The following ALS2 variants were observed in gnomAD, a reference collection of about 807,000 sequenced individuals.
The protein encoded by ALS2 is alsin Rho guanine nucleotide exchange factor ALS2, also known as alsin.
Under a neutral mutation model 203.4 loss-of-function variants are expected in ALS2, and 117 were observed. The ratio of observed to expected loss-of-function variants is 0.58; its 90% CI spans 0.50 to 0.67. The LOEUF is 0.67. Among genes scored for constraint, ALS2 ranks in the 30% least tolerant of loss-of-function variants. The pLI is 0.00. For missense variants in ALS2, 1,715 were observed against 1,989.4 expected (o/e 0.86, Z 2.62); for synonymous variants, 718 against 725.9 (o/e 0.99, Z 0.17).
chr2:201,772,149 C>T (rs1694421335), intron 1 of ALS2, among the ~76,000 whole-genome samples: 1 of 152,218 alleles, frequency 6.6e-6, no homozygotes, highest in African/African-American at 2.4e-5. Flanking sequence ...GCAAACCTTG[C>T]TTCTTAATAA....
intron 12 of ALS2, among the ~76,000 whole-genome samples, chr2:201,736,659 A>T (rs1357025846): frequency 6.6e-6 from 1 of 152,110 alleles, no homozygotes; most frequent in Non-Finnish European, 1.5e-5. Context: ...TTTTGAAAAA[A>T]TTAATTTAAA....
chr2:201,767,800 G>A (rs1365334936), intron 2 of ALS2, among the ~76,000 whole-genome samples: 28 of 150,974 alleles, frequency 1.9e-4, no homozygotes, highest in Admixed American at 1.7e-3. Flanking sequence ...CCCGGGAGGC[G>A]GAGGTTGCAG....
intron 1 of ALS2, among the ~76,000 whole-genome samples, chr2:201,771,529 T>C (rs1422921846): frequency 3.3e-5 from 5 of 152,320 alleles, no homozygotes; most frequent in African/African-American, 1.2e-4. Context: ...TTTATCCTCA[T>C]ATACTTAAGT....
chr2:201,768,943 G>A lies in ALS2; in HGVS notation c.-58C>T. On this transcript the variant is annotated splice_region_variant and 5_prime_UTR_variant, in exon 2 of 34. Transcript: ENST00000264276. ...TCCTTCTTTACAGAAAGTCTATCAA[G>A]ACCTAAACAGTACAAGTAAGGAAAA... is the stretch of plus-strand genomic sequence containing the variant. 9 of 1,518,842 alleles carry A rather than the reference G, an allele frequency of 5.9e-6. No individual in the cohort carries two copies. The highest frequency in any genetic ancestry group is 1.1e-5 in the South Asian group (1 of 88,316). 94.1% of individuals were successfully genotyped at this position (1,518,842 alleles called of 1,614,324 possible).
intron 13 of ALS2, among the ~76,000 whole-genome samples, chr2:201,730,015 T>C (rs1691458857): frequency 6.6e-6 from 1 of 152,204 alleles, no homozygotes; most frequent in African/African-American, 2.4e-5. Flanking sequence ...ATTTAATCTG[T>C]TATATGTTGT....
At chr2:201,721,822 CCTGG>C (rs1334785059) in intron 23 of ALS2, among the ~76,000 whole-genome samples, 1 of 152,066 alleles carries the variant, frequency 6.6e-6, no homozygotes, top group Non-Finnish European at 1.5e-5. Context: ...CGCCACCACG[CCTGG>C]CTAATTTTTT....
chr2:201,736,455 T>A (rs1252816652), intron 12 of ALS2, among the ~76,000 whole-genome samples: 1 of 152,138 alleles, frequency 6.6e-6, no homozygotes, highest in Non-Finnish European at 1.5e-5. Flanking sequence ...AAGATTCAGC[T>A]AAAGCAACAA....
At chr2:201,725,578 G>A (rs541636408) in intron 19 of ALS2, 124 bp from the exon 20 acceptor site, 2 of 856,170 alleles carry the variant, frequency 2.3e-6, no homozygotes, top group Admixed American at 3.5e-5. Flanking sequence ...TAGGAGTAAA[G>A]GGTTAAAACA....
intron 4 of ALS2, among the ~76,000 whole-genome samples, chr2:201,758,228 A>AG (rs1187348585): frequency 6.6e-6 from 1 of 152,200 alleles, no homozygotes; most frequent in Non-Finnish European, 1.5e-5. Context: ...GATTTTATGA[A>AG]GAAAAAAAAA....
chr2:201,757,343 T>C, intron 5 of ALS2, 59 bp downstream of exon 5: 2 of 1,340,604 alleles, frequency 1.5e-6, no homozygotes, highest in Non-Finnish European at 2.1e-6. Flanking sequence ...CAGCATGCGA[T>C]GTCAGGAGCA....
intron 11 of ALS2, among the ~76,000 whole-genome samples, chr2:201,739,713 A>G (rs1280062144): frequency 6.6e-6 from 1 of 151,736 alleles, no homozygotes; most frequent in African/African-American, 2.4e-5. Context: ...ATTGCACTCC[A>G]GCCTGGGCAA....
chr2:201,767,158 T>C (rs1323421274), intron 3 of ALS2, 71 bp downstream of exon 3: 2 of 1,589,950 alleles, frequency 1.3e-6, no homozygotes, highest in South Asian at 1.1e-5. Context: ...ATGACTCCCA[T>C]ACCTGACCTT....
At chr2:201,768,285 T>G (rs762909193) in intron 2 of ALS2, among the ~76,000 whole-genome samples, 2 of 152,226 alleles carry the variant, frequency 1.3e-5, no homozygotes, top group African/African-American at 4.8e-5. Flanking sequence ...ACAAAACACA[T>G]AGCTGCACAG....
At chr2:201,759,549 T>C (rs1693630620) in intron 4 of ALS2, 3 of 982,722 alleles carry the variant, frequency 3.1e-6, no homozygotes, top group Non-Finnish European at 3.6e-6. Flanking sequence ...GTAAGTAAAA[T>C]GTGATAAGCA....
chr2:201,726,930 C>A, intron 17 of ALS2, 64 bp from the exon 18 acceptor site: 1 of 1,415,270 alleles, frequency 7.1e-7, no homozygotes, highest in South Asian at 1.2e-5. Flanking sequence ...GCTTTAAATC[C>A]TGCTAGTTTT....
intron 23 of ALS2, among the ~76,000 whole-genome samples, 153 bp from the exon 24 acceptor site, chr2:201,718,363 G>A (rs1194960687): frequency 6.6e-6 from 1 of 152,168 alleles, no homozygotes; most frequent in Non-Finnish European, 1.5e-5. Flanking sequence ...GGGTTAAAGT[G>A]ATCCTCCTGC....
rs1693749355 is a variant in ALS2, at chr2:201,761,234, T to C, written c.760A>G (p.Ser254Gly). Residue 254 changes from serine (S) to glycine (G), a missense_variant, in exon 4 of 34, where the codon AGT (serine) becomes GGT (glycine). Physicochemically the swap from Ser to Gly is moderately conservative, Grantham distance 56. Transcript: ENST00000264276. ...DKEDHVIISD[S>G]HCCPLGVTLT... ...GTCACACCTAATGGGCAACAATGACTGTCTGATATAATCACATGGTCTTCT... is the reference window on the plus strand; with the variant it reads ...GTCACACCTAATGGGCAACAATGACCGTCTGATATAATCACATGGTCTTCT... 1 of 1,614,198 alleles carries C rather than the reference T, an allele frequency of 6.2e-7. No individual in the cohort carries two copies. The highest frequency in any genetic ancestry group is 8.5e-7 in the Non-Finnish European group (1 of 1,180,036).
At position 201,704,514 on chromosome 2, in the gene ALS2, T is replaced by A. The variant is rs771402858; in HGVS notation, c.4778A>T (p.Asp1593Val). 6.2e-7 allele frequency: 1 copy of A among 1,614,074 alleles called. No homozygotes were observed. Among genetic ancestry groups the A allele is most frequent in the Non-Finnish European group, 8.5e-7 (1 of 1,180,008 alleles). ...SQSVLASLHE[D>V]FLWSMDDLFP... ...CAAGTCATCCATGGACCACAAGAAG[T>A]CTTCGTGGAGTGACGCCAGGACACT... The change falls in exon 32 of 34, where the codon GAC (aspartate) becomes GTC (valine). Residue 1593 changes from aspartate to valine, a missense_variant. Physicochemically the swap from Asp to Val is radical, Grantham distance 152. This residue lies in a region of ALS2 where 1,227 missense variants were observed against 1,413.5 expected (regional missense o/e 0.87). Coordinates refer to ENST00000264276, the MANE Select transcript of ALS2 (RefSeq NM_020919.4).
chr2:201,729,875 G>A (rs542073987), intron 13 of ALS2, among the ~76,000 whole-genome samples: 5 of 67,504 alleles, frequency 7.4e-5, no homozygotes, highest in African/African-American at 2.8e-4. Context: ...GCGAGACTCC[G>A]TCTCAAAAAA....
Sources: gnomAD v4.1 joint callset for allele counts (sites outside exome capture counted in the v4.1 genomes callset) on GRCh38, gnomAD v4.1.1 for gene constraint, gnomAD v4.1.1 regional missense constraint, MANE v1.5 for transcripts, NCBI Gene and HGNC (gene_info 2026-07-23, HGNC 2026-07-21) for gene names.